STK33: variants seen among roughly 807,000 people sequenced by gnomAD.
STK33 encodes serine/threonine kinase 33, also known as serine/threonine-protein kinase 33.
Under a neutral mutation model 58.0 loss-of-function variants are expected in STK33, and 52 were observed. The observed-to-expected ratio is 0.90, with a 90% confidence interval of 0.72 to 1.13. The LOEUF is 1.13. Among genes scored for constraint, STK33 ranks in the 50% most tolerant of loss-of-function variants. The pLI is 0.00. For missense variants in STK33, 630 were observed against 604.2 expected, an observed-to-expected ratio of 1.04 and a Z score of -0.45; for synonymous variants, 215 against 200.1, an observed-to-expected ratio of 1.07 and a Z score of -0.63.
chr11:8,342,686 T>C, the STK33 span, among the ~76,000 whole-genome samples: 1 of 152,262 alleles, frequency 6.6e-6, no homozygotes, highest in Non-Finnish European at 1.5e-5. Flanking sequence ...TATTATTTCC[T>C]TGTTTAACTG....
In STK33 at chr11:8,392,784, A is replaced by G. The variant is rs767109927; in HGVS notation, c.1345-74T>C. 3 of 1,507,478 alleles carry G rather than the reference A, an allele frequency of 2.0e-6. No homozygotes were observed. The Admixed American group carries it at 5.6e-5, about 28-fold the overall frequency. The allele number at this position is 1,507,478 out of a possible 1,614,324, so 93.4% of individuals were successfully genotyped here. On this transcript the variant is annotated intron_variant, in intron 15 of 15. Transcript: ENST00000687296. ...TCAATTCAAAGATGCAAGGAACTAC[A>G]AAGTTGTCCAGGATTTGCAAGTTGG...
the STK33 span, among the ~76,000 whole-genome samples, chr11:8,349,872 A>T: frequency 6.6e-6 from 1 of 152,088 alleles, no homozygotes; most frequent in Non-Finnish European, 1.5e-5. Context: ...CTCCTTATAG[A>T]TTTCTCCTGG....
chr11:8,402,480 G>A (rs538292684), intron 15 of STK33, among the ~76,000 whole-genome samples: 41 of 152,266 alleles, frequency 2.7e-4, no homozygotes, highest in African/African-American at 8.7e-4. Flanking sequence ...TGGGGGCAGC[G>A]AGGAGGGATA....
At chr11:8,376,975 G>A in the STK33 span, among the ~76,000 whole-genome samples, 3 of 152,140 alleles carry the variant, frequency 2.0e-5, no homozygotes, top group Admixed American at 6.6e-5. Flanking sequence ...AGAAGCCTTC[G>A]TAACCTCCCA....
chr11:8,384,368 G>A, the STK33 span, among the ~76,000 whole-genome samples: 2 of 152,098 alleles, frequency 1.3e-5, no homozygotes. Context: ...CTGGGAAGGC[G>A]CTCATTACTT....
At chr11:8,472,029 G>A (rs1174154365) in intron 6 of STK33, among the ~76,000 whole-genome samples, 2 of 152,108 alleles carry the variant, frequency 1.3e-5, no homozygotes, top group Non-Finnish European at 2.9e-5. Flanking sequence ...GGGCTCAAGT[G>A]ATACTCACAT....
intron 1 of STK33, among the ~76,000 whole-genome samples, chr11:8,527,478 GT>G (rs548742894): frequency 1.4e-4 from 21 of 145,112 alleles, no homozygotes; most frequent in East Asian, 4.0e-4. Context: ...GTGAGTTTTT[GT>G]TTTTTTTTTT....
chr11:8,461,309 A>G (rs1047105588), intron 8 of STK33, among the ~76,000 whole-genome samples: 2 of 152,250 alleles, frequency 1.3e-5, no homozygotes, highest in Non-Finnish European at 2.9e-5. Flanking sequence ...TAAAAATTAC[A>G]GGTAAAGAGA....
chr11:8,584,978 A>G (rs2031235589), intron 1 of STK33, among the ~76,000 whole-genome samples: 1 of 149,182 alleles, frequency 6.7e-6, no homozygotes, highest in South Asian at 2.1e-4. Context: ...GCTGGAGTGC[A>G]GTGGTGCGAT....
chr11:8,587,215 T>A (rs1022288973), intron 1 of STK33, among the ~76,000 whole-genome samples: 5 of 152,238 alleles, frequency 3.3e-5, no homozygotes, highest in African/African-American at 7.2e-5. Context: ...GGAGTTTTTT[T>A]AATTGCATTT....
chr11:8,361,066 C>A, the STK33 span, among the ~76,000 whole-genome samples: 91 of 152,276 alleles, frequency 6.0e-4, no homozygotes, highest in Non-Finnish European at 1.2e-3. This position sits in a 1 kb window ranked among gnomAD's most constrained non-coding sequence, Gnocchi z 4.8. Flanking sequence ...CCAGGCCCAA[C>A]ATTTTTGGGT....
At chr11:8,444,840 A>G (rs1366501789) in intron 11 of STK33, among the ~76,000 whole-genome samples, 1 of 152,134 alleles carries the variant, frequency 6.6e-6, no homozygotes, top group Non-Finnish European at 1.5e-5. Context: ...GAAATTTCAA[A>G]CTATTATTAG....
At chr11:8,462,470 CACAT>C (rs1565076858) in intron 7 of STK33, among the ~76,000 whole-genome samples, 20 of 143,436 alleles carry the variant, frequency 1.4e-4, no homozygotes, top group African/African-American at 5.4e-4. Flanking sequence ...CACACACACA[CACAT>C]ATATATATAT....
rs1261162693 is a variant in STK33, at chr11:8,392,499, T to C, written c.*11A>G. The C allele has an allele frequency of 1.2e-6, 2 of 1,614,052 alleles. No individual in the cohort carries two copies. The highest frequency in any genetic ancestry group is 1.7e-5 in the Admixed American group (1 of 60,002). On this transcript the variant is annotated 3_prime_UTR_variant, in exon 16 of 16. Transcript: ENST00000687296. ...GCTTTGTTTTTGTACTGTCCAACACTGGAGGGAACCTTAGAGTTTCTTTTT... is the reference window on the plus strand; with the variant it reads ...GCTTTGTTTTTGTACTGTCCAACACCGGAGGGAACCTTAGAGTTTCTTTTT...
intron 15 of STK33, among the ~76,000 whole-genome samples, chr11:8,403,645 T>C (rs1938542088): frequency 6.6e-6 from 1 of 152,206 alleles, no homozygotes. Context: ...GGCAGAATGA[T>C]GGAAAAGATG....
chr11:8,537,522 A>G lies in STK33; in HGVS notation c.-466+56561T>C, dbSNP rs193195560. ...ATCTCAATATTGGTGTCTGTTACTG[A>G]CTTTTCTCAATCAAGTTGAGATTTC... On this transcript the variant is annotated intron_variant, in intron 1 of 15. Coordinates refer to ENST00000687296, the MANE Select transcript of STK33 (RefSeq NM_001352389.2). 1.1e-4 allele frequency among the ~76,000 whole-genome samples: 16 copies of G among 152,270 alleles called. 1 individual carries two copies. The South Asian group carries it at 1.9e-3, about 18-fold the overall frequency.
At chr11:8,427,749 A>G (rs1442936072) in intron 14 of STK33, among the ~76,000 whole-genome samples, 1 of 152,106 alleles carries the variant, frequency 6.6e-6, no homozygotes, top group Non-Finnish European at 1.5e-5. Flanking sequence ...ACTGCATTCT[A>G]TATTTCAACT....
chr11:8,572,108 G>A (rs1957870016), intron 1 of STK33, among the ~76,000 whole-genome samples: 1 of 151,172 alleles, frequency 6.6e-6, no homozygotes, highest in African/African-American at 2.4e-5. Flanking sequence ...CGTGTTGGGG[G>A]TGGGAGAGGA....
At chr11:8,342,249 C>T in the STK33 span, among the ~76,000 whole-genome samples, 6 of 152,164 alleles carry the variant, frequency 3.9e-5, no homozygotes, top group Non-Finnish European at 5.9e-5. Flanking sequence ...GGCCTGTGGG[C>T]GTGACTTCCT....
Sources: gnomAD v4.1 joint callset for allele counts (sites outside exome capture counted in the v4.1 genomes callset) on GRCh38, gnomAD v4.1.1 for gene constraint, Gnocchi (gnomAD v3.1) non-coding constraint, MANE v1.5 for transcripts, NCBI Gene and HGNC (gene_info 2026-07-23, HGNC 2026-07-21) for gene names.